FBXO25: variants seen among roughly 807,000 people sequenced by gnomAD.
FBXO25 encodes F-box only protein 25.
FBXO25 carries 45 observed loss-of-function variants against 51.9 expected under a neutral mutation model. The observed-to-expected ratio is 0.87, with a 90% CI of 0.68 to 1.11. The LOEUF is 1.11. FBXO25 is among the 50% of genes most tolerant of loss of function. The probability of loss-of-function intolerance (pLI) is 0.00; values close to 1 mark genes in which losing one functional copy is unlikely to be tolerated. For synonymous variants in FBXO25, 199 were observed against 151.0 expected, an observed-to-expected ratio of 1.32 and a Z score of -2.33; for missense variants, 507 against 428.5, an observed-to-expected ratio of 1.18 and a Z score of -1.62.
chr8:418,017 C>G (rs550977915), intron 2 of FBXO25, among the ~76,000 whole-genome samples: 36 of 152,312 alleles, frequency 2.4e-4, no homozygotes, highest in Admixed American at 4.6e-4. Context: ...GTAGTGTACA[C>G]AGATTCCCAT....
chr8:458,492 C>G lies in FBXO25; in HGVS notation c.784C>G (p.Leu262Val). 2 of 1,614,140 alleles carry G rather than the reference C, an allele frequency of 1.2e-6. No homozygotes were observed. Among genetic ancestry groups the G allele is most frequent in the Non-Finnish European group, 1.7e-6 (2 of 1,180,018 alleles). ...LGQVTPTLYM[L>V]SEDRQLWKKL... The stretch of plus-strand genomic sequence containing the variant: ...CCAGGTGACCCCCACGTTGTATATG[C>G]TTAGTGAAGACAGACAGCTGTGGAA... The change falls in exon 8 of 10, where the codon CTT becomes GTT. Residue 262 changes from leucine (L) to valine (V), a missense_variant. Leu to Val is a conservative substitution (Grantham distance 32, BLOSUM62 1). Coordinates refer to ENST00000350302, the MANE Select transcript of FBXO25 (RefSeq NM_183420.2).
chr8:415,075 C>T (rs188347002), intron 2 of FBXO25, among the ~76,000 whole-genome samples: 280 of 152,270 alleles, frequency 1.8e-3, no homozygotes, highest in African/African-American at 6.5e-3. Flanking sequence ...ATGTAATCAC[C>T]ATTTAAAATC....
intron 5 of FBXO25, among the ~76,000 whole-genome samples, chr8:441,780 A>G (rs1345562566): frequency 6.6e-6 from 1 of 152,256 alleles, no homozygotes; most frequent in Non-Finnish European, 1.5e-5. Flanking sequence ...TCTGGTCATT[A>G]GAGAAATGCA....
rs1800517156 is a variant in FBXO25, at chr8:472,580, G to A, written c.*3776G>A. On this transcript the variant is annotated 3_prime_UTR_variant, in exon 10 of 10. Transcript: ENST00000350302. ...GTGTCCATCTCATAGGATAAGCTTA[G>A]AAAGTGTTCCCTCTTCTGTGTTTTG... 1 of 142,264 alleles carries A rather than the reference G, an allele frequency of 7.0e-6. No individual in the cohort carries two copies. Among genetic ancestry groups the A allele is most frequent in the African/African-American group, 2.6e-5 (1 of 38,500 alleles). 8.8% of individuals were successfully genotyped at this position (142,264 alleles called of 1,614,324 possible).
chr8:432,865 C>G, intron 3 of FBXO25, 21 bp from the exon 4 acceptor site: 7 of 1,528,406 alleles, frequency 4.6e-6, no homozygotes, highest in Non-Finnish European at 6.1e-6. Context: ...ATTTTAAAAA[C>G]AAAGGTAATT....
intron 1 of FBXO25, among the ~76,000 whole-genome samples, chr8:411,216 A>T (rs565376290): frequency 1.3e-5 from 2 of 152,304 alleles, no homozygotes; most frequent in Admixed American, 1.3e-4. Context: ...TAATTCAGCT[A>T]CCTTTCTGTA....
At chr8:460,115 C>G (rs1389329170) in intron 8 of FBXO25, among the ~76,000 whole-genome samples, 1 of 152,162 alleles carries the variant, frequency 6.6e-6, no homozygotes, top group Non-Finnish European at 1.5e-5. Flanking sequence ...GATGAGCCCT[C>G]TGCCTCCCAG....
At chr8:422,708 C>G (rs1332382700) in intron 2 of FBXO25, among the ~76,000 whole-genome samples, 1 of 152,144 alleles carries the variant, frequency 6.6e-6, no homozygotes, top group Non-Finnish European at 1.5e-5. Context: ...AATAGGCAAG[C>G]CAGAGGCATC....
At chr8:444,144 T>C (rs1352300797) in intron 5 of FBXO25, among the ~76,000 whole-genome samples, 1 of 152,182 alleles carries the variant, frequency 6.6e-6, no homozygotes, top group Non-Finnish European at 1.5e-5. Flanking sequence ...TAATAATCAC[T>C]CAGTAAATGC....
intron 5 of FBXO25, among the ~76,000 whole-genome samples, chr8:437,517 C>T (rs376849371): frequency 1.5e-4 from 23 of 152,344 alleles, no homozygotes; most frequent in African/African-American, 5.5e-4. Flanking sequence ...CTGGACCTTG[C>T]ACACCATTCT....
rs1439465034 is a variant in FBXO25, at chr8:476,325, G to T, written c.*7521G>T. 6.8e-6 allele frequency: 1 copy of T among 147,304 alleles called. No individual in the cohort carries two copies. The highest frequency in any genetic ancestry group is 1.5e-5 in the Non-Finnish European group (1 of 67,074). The allele number at this position is 147,304 out of a possible 1,614,324, so 9.1% of individuals were successfully genotyped here. ...TTGATCAGGAATACTGATGTGTGGT[G>T]TTTTTTTCTTATAGTGTCTTTGTCT... On this transcript the variant is annotated 3_prime_UTR_variant, in exon 10 of 10. Transcript: ENST00000350302.
chr8:468,376 G>A (rs936973128), intron 9 of FBXO25: 4 of 667,140 alleles, frequency 6.0e-6, no homozygotes, highest in Non-Finnish European at 7.4e-6. Context: ...AGGACAGAAA[G>A]TCCCCAGTGG....
Position 434,391 on chromosome 8 carries a change from A to G in FBXO25, c.289-1224A>G, listed in dbSNP as rs1797984522. ...GAATATCAGCTGTGATGGATTTCAGATTATAATCTATATCAAAATGAGTGT... is the reference window on the plus strand; with the variant it reads ...GAATATCAGCTGTGATGGATTTCAGGTTATAATCTATATCAAAATGAGTGT... On this transcript the variant is annotated intron_variant, in intron 4 of 9. Transcript: ENST00000350302. Among the ~76,000 whole-genome samples, 4 of 152,346 alleles carry G rather than the reference A, an allele frequency of 2.6e-5. No individual in the cohort carries two copies. In the South Asian group the frequency reaches 8.3e-4, roughly 32 times the overall value.
chr8:451,685 G>C (rs1454356997), intron 7 of FBXO25, among the ~76,000 whole-genome samples: 1 of 152,166 alleles, frequency 6.6e-6, no homozygotes, highest in Non-Finnish European at 1.5e-5. Flanking sequence ...GATCCTATGG[G>C]TGATTAGATG....
At chr8:468,194 C>A in intron 9 of FBXO25, 1 of 1,012,336 alleles carries the variant, frequency 9.9e-7, no homozygotes, top group Non-Finnish European at 1.2e-6. Flanking sequence ...GTGAGCATGG[C>A]CAGCTCCCTT....
rs112962807 is a variant in FBXO25, at chr8:414,376, A to G, written c.134+1163A>G. ...TTAAAATTTAAAGATGGTTGACTAT[A>G]TCTAGAAATGTCAGGTGTCTCACAT... On this transcript the variant is annotated intron_variant, in intron 2 of 9. Coordinates refer to ENST00000350302, the MANE Select transcript of FBXO25 (RefSeq NM_183420.2). Among the ~76,000 whole-genome samples, 296 of 152,304 alleles carry G rather than the reference A, an allele frequency of 1.9e-3. 2 individuals are homozygous for G. The highest frequency in any genetic ancestry group is 0.017 in the Middle Eastern group (5 of 294).
intron 9 of FBXO25, 137 bp from the exon 10 acceptor site, chr8:468,578 T>A (rs776753719): frequency 7.5e-5 from 47 of 629,182 alleles, no homozygotes; most frequent in Non-Finnish European, 1.2e-4. Flanking sequence ...GTCATTCTCA[T>A]CCAAGTTATC....
intron 5 of FBXO25, among the ~76,000 whole-genome samples, chr8:444,145 C>A (rs1023070036): frequency 6.6e-6 from 1 of 152,236 alleles, no homozygotes; most frequent in African/African-American, 2.4e-5. Context: ...AATAATCACT[C>A]AGTAAATGCT....
intron 2 of FBXO25, among the ~76,000 whole-genome samples, chr8:415,505 A>T (rs1796741893): frequency 6.6e-6 from 1 of 152,178 alleles, no homozygotes; most frequent in African/African-American, 2.4e-5. Flanking sequence ...GTTGATTCAG[A>T]ATAGAGGGTA....
Sources: gnomAD v4.1 joint callset for allele counts (sites outside exome capture counted in the v4.1 genomes callset) on GRCh38, gnomAD v4.1.1 for gene constraint, MANE v1.5 for transcripts, NCBI Gene and HGNC (gene_info 2026-07-23, HGNC 2026-07-21) for gene names.